The following ADAM10 variants were observed in gnomAD, a reference collection of about 807,000 sequenced individuals.
ADAM10 encodes ADAM metallopeptidase domain 10, also known as disintegrin and metalloproteinase domain-containing protein 10.
In ADAM10, 17 loss-of-function variants were observed where a neutral mutation model predicts 90.1. That is an observed-to-expected ratio of 0.19 (90% CI 0.13 to 0.28). ADAM10 has a LOEUF of 0.28. Among genes scored for constraint, ADAM10 ranks in the 10% least tolerant of loss-of-function variants. The pLI, the probability that ADAM10 is intolerant of heterozygous loss-of-function variation, is 1.00. For missense variants in ADAM10, 610 were observed against 914.3 expected, an observed-to-expected ratio of 0.67 and a Z score of 4.29; for synonymous variants, 310 against 298.6, an observed-to-expected ratio of 1.04 and a Z score of -0.40.
chr15:58,714,327 A>AC (rs1567008805), intron 2 of ADAM10, among the ~76,000 whole-genome samples: 2 of 151,190 alleles, frequency 1.3e-5, no homozygotes, highest in African/African-American at 4.9e-5. Flanking sequence ...ACACACACAC[A>AC]GAAGCTGTGC....
intron 5 of ADAM10, among the ~76,000 whole-genome samples, chr15:58,656,531 C>G (rs1347365524): frequency 6.6e-6 from 1 of 152,238 alleles, no homozygotes; most frequent in African/African-American, 2.4e-5. Flanking sequence ...TACTACCTTA[C>G]AATCCTTATT....
intron 8 of ADAM10, among the ~76,000 whole-genome samples, chr15:58,634,249 T>C (rs1483314932): frequency 2.2e-4 from 34 of 151,366 alleles, no homozygotes; most frequent in Admixed American, 2.2e-3. Context: ...TTGCAATGAG[T>C]TGAGATTGTG....
At chr15:58,642,201 T>A (rs1289349924) in intron 7 of ADAM10, among the ~76,000 whole-genome samples, 2 of 152,232 alleles carry the variant, frequency 1.3e-5, no homozygotes, top group East Asian at 3.8e-4. Flanking sequence ...TCACAGTGGC[T>A]CACGCCTGTA....
chr15:58,655,580 C>T (rs1048205153), intron 5 of ADAM10, among the ~76,000 whole-genome samples: 1 of 149,968 alleles, frequency 6.7e-6, no homozygotes, highest in Non-Finnish European at 1.5e-5. Context: ...AAGGTTTGGG[C>T]TGAGACAAAT....
intron 5 of ADAM10, among the ~76,000 whole-genome samples, chr15:58,651,407 C>A (rs1337963578): frequency 6.6e-6 from 1 of 152,114 alleles, no homozygotes; most frequent in African/African-American, 2.4e-5. Flanking sequence ...CACCACTGCT[C>A]TAATACTCAT....
chr15:58,688,788 C>A (rs199769870), intron 2 of ADAM10, among the ~76,000 whole-genome samples: 2,174 of 87,110 alleles, frequency 0.025, 48 homozygotes, highest in African/African-American at 0.1. Flanking sequence ...ATATATATAT[C>A]TCTCTCTCTC....
At chr15:58,689,002 AAAACTTCC>A in intron 2 of ADAM10, among the ~76,000 whole-genome samples, 1 of 151,718 alleles carries the variant, frequency 6.6e-6, no homozygotes, top group Non-Finnish European at 1.5e-5. Flanking sequence ...AAAATGATAA[AAAACTTCC>A]AAACTGATAA....
intron 1 of ADAM10, among the ~76,000 whole-genome samples, chr15:58,738,393 G>C (rs1470690992): frequency 1.3e-5 from 2 of 152,148 alleles, no homozygotes; most frequent in Non-Finnish European, 2.9e-5. Flanking sequence ...ATATATTTAA[G>C]TGCCTTTAAT....
At chr15:58,713,009 T>G (rs1460428183) in intron 2 of ADAM10, among the ~76,000 whole-genome samples, 1 of 152,202 alleles carries the variant, frequency 6.6e-6, no homozygotes, top group African/African-American at 2.4e-5. Context: ...ACTTAGTCAT[T>G]AAGAACAATT....
At chr15:58,722,709 G>A (rs895392643) in intron 1 of ADAM10, among the ~76,000 whole-genome samples, 4 of 150,256 alleles carry the variant, frequency 2.7e-5, no homozygotes, top group Non-Finnish European at 5.9e-5. Flanking sequence ...ACATTGAAAA[G>A]GCTACAAATT....
In ADAM10 at chr15:58,657,839, C is replaced by T. The variant is rs74373704; in HGVS notation, c.585+7258G>A. On this transcript the variant is annotated intron_variant, in intron 5 of 15. Transcript: ENST00000260408. ...TCTGGGCTTATTTGTGCCTGTCCTTCTTGGAAAGGCTTTCCAGGTGCACTG... is the reference window on the plus strand; with the variant it reads ...TCTGGGCTTATTTGTGCCTGTCCTTTTTGGAAAGGCTTTCCAGGTGCACTG... Among the ~76,000 whole-genome samples the T allele has an allele frequency of 9.5e-3, 1,435 of 150,586 alleles. 37 individuals carry two copies. Among genetic ancestry groups the T allele is most frequent in the African/African-American group, 0.033 (1,348 of 41,064 alleles).
intron 3 of ADAM10, 73 bp from the exon 4 acceptor site, chr15:58,679,355 T>C: frequency 1.6e-6 from 2 of 1,264,210 alleles, no homozygotes; most frequent in East Asian, 2.5e-5. Flanking sequence ...TATATATGTA[T>C]ATATGTGTGT....
intron 1 of ADAM10, among the ~76,000 whole-genome samples, chr15:58,725,115 A>T (rs1027857594): frequency 2.0e-5 from 3 of 152,118 alleles, no homozygotes; most frequent in Non-Finnish European, 4.4e-5. Flanking sequence ...CTTGAAGCCC[A>T]GGAAGTCAAA....
intron 5 of ADAM10, among the ~76,000 whole-genome samples, chr15:58,658,676 T>C (rs1180604061): frequency 6.6e-6 from 1 of 152,218 alleles, no homozygotes; most frequent in Non-Finnish European, 1.5e-5. Context: ...TTGGCAATGT[T>C]TTCTAGTTCT....
At chr15:58,739,578 T>C (rs1205879661) in intron 1 of ADAM10, among the ~76,000 whole-genome samples, 1 of 152,150 alleles carries the variant, frequency 6.6e-6, no homozygotes, top group African/African-American at 2.4e-5. Flanking sequence ...ATTTTATAAA[T>C]TCTTGCCAAA....
chr15:58,692,265 G>GAA, intron 2 of ADAM10: 1 of 604,464 alleles, frequency 1.7e-6, no homozygotes, highest in South Asian at 1.4e-5. Context: ...CTGCCAAGTG[G>GAA]TCTTCCCAGG....
chr15:58,721,935 G>A (rs1898868323), intron 1 of ADAM10, among the ~76,000 whole-genome samples: 1 of 152,124 alleles, frequency 6.6e-6, no homozygotes, highest in South Asian at 2.1e-4. Context: ...GGCTGAGGCA[G>A]GAGAATCGTT....
chr15:58,597,075 G>C lies in ADAM10; in HGVS notation c.*472C>G. ...AATTGCACACAGAAGTACAGTGTAC[G>C]TAAGAAATACATGTCTGCATATAAC... On this transcript the variant is annotated 3_prime_UTR_variant, in exon 16 of 16. Transcript: ENST00000260408. The C allele has an allele frequency of 3.8e-6, 1 of 261,120 alleles. No homozygotes were observed. The highest frequency in any genetic ancestry group is 4.9e-5 in the South Asian group (1 of 20,318). The allele number at this position is 261,120 out of a possible 1,614,324, so 16.2% of individuals were successfully genotyped here.
chr15:58,692,786 G>A, intron 2 of ADAM10: 1 of 621,600 alleles, frequency 1.6e-6, no homozygotes, highest in Non-Finnish European at 3.1e-6. Flanking sequence ...TCTGCCACCA[G>A]GTAGGCAGAA....
Sources: allele counts gnomAD v4.1 joint callset (sites outside exome capture counted in the v4.1 genomes callset), GRCh38; gene constraint gnomAD v4.1.1; transcripts MANE v1.5; gene names NCBI Gene and HGNC (gene_info 2026-07-23, HGNC 2026-07-21).